ELFN1: variants seen among roughly 807,000 people sequenced by gnomAD.
ELFN1 encodes the protein extracellular leucine rich repeat and fibronectin type III domain containing 1.
A neutral mutation model predicts 7.6 loss-of-function variants in ELFN1; 6 were observed. The ratio of observed to expected loss-of-function variants is 0.79; its 90% CI spans 0.43 to 1.56. The LOEUF (loss-of-function observed/expected upper bound fraction) is 1.56, where lower values mean the gene tolerates loss of function less well. ELFN1 is among the 40% of genes most tolerant of loss of function. The pLI is 0.01. For synonymous variants in ELFN1, 657 were observed against 588.1 expected (o/e 1.12, Z -1.70); for missense variants, 1,169 against 1,232.2 (o/e 0.95, Z 0.77).
In ELFN1 at chr7:1,746,730, C is replaced by A; in HGVS notation, c.2134C>A (p.Pro712Thr). ...EHRHSYPGSH[P>T]AEPPAPPGPP... ...CCGGCACTCGTACCCCGGCTCCCAC[C>A]CGGCCGAGCCACCTGCGCCCCCCGG... Residue 712 changes from proline (P) to threonine (T), a missense_variant, in exon 4 of 4, where the codon CCG (proline) becomes ACG (threonine). Around this residue, in one of 2 missense-constraint regions of ELFN1, gnomAD observed 914 missense variants for 872.6 expected, o/e 1.05. Coordinates refer to ENST00000424383, the MANE Select transcript of ELFN1 (RefSeq NM_001128636.4). The A allele has an allele frequency of 6.7e-7, 1 of 1,482,880 alleles. No individual in the cohort carries two copies. Among genetic ancestry groups the A allele is most frequent in the Non-Finnish European group, 8.9e-7 (1 of 1,123,218 alleles). 91.9% of individuals were successfully genotyped at this position (1,482,880 alleles called of 1,614,324 possible). A position where few individuals can be genotyped will look rare whatever the true frequency, so the allele number is the denominator to read the frequency against.
chr7:1,678,309 G>A (rs772173544), intron 1 of ELFN1, among the ~76,000 whole-genome samples: 37 of 152,148 alleles, frequency 2.4e-4, no homozygotes, highest in Admixed American at 6.5e-4. Context: ...ATCCTGCCAC[G>A]ACCACCCAGG....
At chr7:1,666,258 G>C (rs2128571042), upstream of ELFN1, among the ~76,000 whole-genome samples, 1 of 152,064 alleles carries the variant, frequency 6.6e-6, no homozygotes, top group South Asian at 2.1e-4. The surrounding 1 kb of genome is among the most constrained non-coding windows in gnomAD (Gnocchi z 7.9). Context: ...CCCGCCCCTA[G>C]GGGAGGCAGG....
Position 1,740,460 on chromosome 7 carries a change from G to C in ELFN1, c.-293-3844G>C, listed in dbSNP as rs571771370. Among the ~76,000 whole-genome samples the C allele has an allele frequency of 1.3e-5, 2 of 152,360 alleles. No individual in the cohort carries two copies. The highest frequency in any genetic ancestry group is 1.3e-4 in the Admixed American group (2 of 15,308). ...TTCTAGAAATGTTGTTTAATGATCG[G>C]ATCGCTGGACGTGGGGTGCAGCGGC... On this transcript the variant is annotated intron_variant, in intron 3 of 3. Transcript: ENST00000424383. The surrounding 1 kb of genome is among the most constrained non-coding windows in gnomAD (Gnocchi z 5.0).
chr7:1,678,405 C>G (rs1176465322), intron 1 of ELFN1, among the ~76,000 whole-genome samples: 1 of 152,216 alleles, frequency 6.6e-6, no homozygotes, highest in Non-Finnish European at 1.5e-5. Context: ...GTGGGTAAGG[C>G]CCGCGCCACT....
chr7:1,730,280 C>G (rs945869742), intron 3 of ELFN1, among the ~76,000 whole-genome samples: 1 of 152,186 alleles, frequency 6.6e-6, no homozygotes, highest in African/African-American at 2.4e-5. Flanking sequence ...GGAGGGGGGC[C>G]AAGCCTACAG....
At chr7:1,677,792 A>G (rs1344520715) in intron 1 of ELFN1, among the ~76,000 whole-genome samples, 1 of 151,274 alleles carries the variant, frequency 6.6e-6, no homozygotes, top group Non-Finnish European at 1.5e-5. Flanking sequence ...TTTTTTTTGC[A>G]AATTCAGTCG....
chr7:1,670,111 A>AAGGGAGCGCGCAGGCGGGCG (rs1251872651), upstream of ELFN1, among the ~76,000 whole-genome samples: 3 of 141,972 alleles, frequency 2.1e-5, no homozygotes, highest in Admixed American at 6.9e-5. This position sits in a 1 kb window ranked among gnomAD's most constrained non-coding sequence, Gnocchi z 6.4. Context: ...GAGGGGGTGG[A>AAGGGAGCGCGCAGGCGGGCG]AGGGAGCGCG....
chr7:1,746,218 T>C lies in ELFN1; in HGVS notation c.1622T>C (p.Leu541Pro), dbSNP rs771331072. ...GDPPERRDCE[L>P]GRPGPDSQSS... ...CCTCCGGAACGCAGGGACTGTGAGCTGGGCCGGCCGGGCCCCGACAGCCAG... is the reference window on the plus strand; with the variant it reads ...CCTCCGGAACGCAGGGACTGTGAGCCGGGCCGGCCGGGCCCCGACAGCCAG... Residue 541 changes from leucine (L) to proline (P), a missense_variant, in exon 4 of 4, where the codon CTG becomes CCG. Leu to Pro is a moderately conservative substitution (Grantham distance 98). Transcript: ENST00000424383. The C allele has an allele frequency of 1.9e-6, 3 of 1,556,924 alleles. No individual in the cohort carries two copies. The highest frequency in any genetic ancestry group is 2.6e-6 in the Non-Finnish European group (3 of 1,152,086).
At chr7:1,704,167 CAGGAG>C (rs1034221856) in intron 2 of ELFN1, among the ~76,000 whole-genome samples, 4 of 152,208 alleles carry the variant, frequency 2.6e-5, no homozygotes, top group African/African-American at 9.6e-5. Context: ...GGCTGCCACT[CAGGAG>C]AAGGGAGCCT....
intron 3 of ELFN1, among the ~76,000 whole-genome samples, chr7:1,737,349 C>G (rs1352232413): frequency 6.6e-6 from 1 of 152,036 alleles, no homozygotes; most frequent in Non-Finnish European, 1.5e-5. Context: ...AGAGCAAGGC[C>G]AGGAGATGAA....
chr7:1,702,173 C>G (rs55682037), intron 2 of ELFN1, among the ~76,000 whole-genome samples: 153 of 152,206 alleles, frequency 1.0e-3, no homozygotes, highest in Non-Finnish European at 1.6e-3. Context: ...GCTTGTAATC[C>G]CAGCACTTTG....
intron 1 of ELFN1, among the ~76,000 whole-genome samples, chr7:1,685,323 T>G (rs1779044211): frequency 6.6e-6 from 1 of 152,210 alleles, no homozygotes; most frequent in South Asian, 2.1e-4. Flanking sequence ...TTTGTTGATC[T>G]TCTTGAATCT....
rs568015707 is a variant in ELFN1 at position 1,747,219 on chromosome 7, C to A, written c.*136C>A. 1.9e-6 allele frequency: 2 copies of A among 1,026,340 alleles called. No homozygotes were observed. Among genetic ancestry groups the A allele is most frequent in the South Asian group, 2.1e-5 (1 of 47,438 alleles). 63.6% of individuals were successfully genotyped at this position (1,026,340 alleles called of 1,614,324 possible). A position where few individuals can be genotyped will look rare whatever the true frequency, so the allele number is the denominator to read the frequency against. On this transcript the variant is annotated 3_prime_UTR_variant, in exon 4 of 4. Transcript: ENST00000424383. ...GGGCCCTGCAGAGGCGAGGGGGGAG[C>A]GAGTGGGGACAGACAAGGGGGACAC... is the stretch of plus-strand genomic sequence containing the variant.
At chr7:1,706,044 G>A (rs552770218) in intron 2 of ELFN1, among the ~76,000 whole-genome samples, 6 of 152,298 alleles carry the variant, frequency 3.9e-5, no homozygotes, top group East Asian at 3.9e-4. Flanking sequence ...TGGTGGTGTC[G>A]CTGAGCTGCC....
rs563565219 is a variant in ELFN1 at position 1,695,272 on chromosome 7, C to T, written c.-456+7122C>T. ...AGTAGCGTGCCAGGTGCGTGGCCGG[C>T]CTCCCAGCCCTTCCCAGCACCAGCT... On this transcript the variant is annotated intron_variant, in intron 2 of 3. Coordinates refer to ENST00000424383, the MANE Select transcript of ELFN1 (RefSeq NM_001128636.4). The surrounding 1 kb of genome is among the most constrained non-coding windows in gnomAD (Gnocchi z 5.1). Among the ~76,000 whole-genome samples the T allele has an allele frequency of 3.9e-5, 6 of 152,282 alleles. No homozygotes were observed. The highest frequency in any genetic ancestry group is 8.8e-5 in the Non-Finnish European group (6 of 68,016).
intron 2 of ELFN1, among the ~76,000 whole-genome samples, chr7:1,702,355 G>A (rs914939441): frequency 5.9e-5 from 9 of 151,886 alleles, no homozygotes; most frequent in African/African-American, 9.7e-5. Context: ...ACTGGGAGGC[G>A]GTGGTTGCAG....
intron 1 of ELFN1, among the ~76,000 whole-genome samples, chr7:1,672,721 A>G (rs1778790573): frequency 6.6e-6 from 1 of 151,206 alleles, no homozygotes. Flanking sequence ...CCCCCACCCC[A>G]GGATCCCTTC....
chr7:1,674,335 G>T (rs983575192), intron 1 of ELFN1, among the ~76,000 whole-genome samples: 2 of 152,184 alleles, frequency 1.3e-5, no homozygotes, highest in African/African-American at 4.8e-5. Context: ...GCTGTTCTGT[G>T]GTGGGAGACC....
intron 1 of ELFN1, among the ~76,000 whole-genome samples, chr7:1,683,065 T>G (rs570444883): frequency 1.7e-4 from 26 of 152,322 alleles, no homozygotes; most frequent in African/African-American, 6.3e-4. Flanking sequence ...TTTAAGGATT[T>G]TTGAATCTTC....
Sources: allele counts gnomAD v4.1 joint callset (sites outside exome capture counted in the v4.1 genomes callset), GRCh38; gene constraint gnomAD v4.1.1; regional missense constraint gnomAD v4.1.1; non-coding constraint Gnocchi (gnomAD v3.1); transcripts MANE v1.5; gene names NCBI Gene and HGNC (gene_info 2026-07-23, HGNC 2026-07-21).